ATP8A1: variants seen among roughly 807,000 people sequenced by gnomAD.
The protein encoded by ATP8A1 is ATPase phospholipid transporting 8A1.
ATP8A1 carries 90 observed loss-of-function variants against 177.7 expected under a neutral mutation model. That is an observed-to-expected ratio of 0.51 (90% CI 0.43 to 0.60). The LOEUF is 0.60. ATP8A1 is among the 20% of genes least tolerant of loss of function. The pLI is 0.00. For synonymous variants in ATP8A1, 493 were observed against 485.9 expected (o/e 1.01, Z -0.19); for missense variants, 1,072 against 1,392.8 (o/e 0.77, Z 3.67).
intron 20 of ATP8A1, among the ~76,000 whole-genome samples, chr4:42,527,606 C>T (rs1425312911): frequency 6.6e-6 from 1 of 152,086 alleles, no homozygotes; most frequent in African/African-American, 2.4e-5. Flanking sequence ...CCCAACACCC[C>T]TGTTTGCTTC....
chr4:42,605,092 T>C (rs957186847), intron 5 of ATP8A1, among the ~76,000 whole-genome samples: 1 of 152,218 alleles, frequency 6.6e-6, no homozygotes, highest in Non-Finnish European at 1.5e-5. Context: ...ATTAAGGTTG[T>C]GGTGATCGGT....
chr4:42,580,724 T>C (rs986835464), intron 10 of ATP8A1, among the ~76,000 whole-genome samples: 1 of 152,232 alleles, frequency 6.6e-6, no homozygotes, highest in Non-Finnish European at 1.5e-5. Context: ...GTATTAGCTC[T>C]GAGAGCAGAT....
intron 1 of ATP8A1, among the ~76,000 whole-genome samples, chr4:42,639,314 GTGT>G (rs1227515359): frequency 3.9e-5 from 6 of 152,162 alleles, no homozygotes; most frequent in Admixed American, 3.9e-4. Flanking sequence ...TGGAGGAAAG[GTGT>G]TGTAAAAAAC....
intron 1 of ATP8A1, among the ~76,000 whole-genome samples, chr4:42,656,309 T>C (rs145489082): frequency 9.3e-4 from 142 of 152,306 alleles, no homozygotes; most frequent in African/African-American, 3.3e-3. Context: ...GGAGGCAGAA[T>C]TGCAGAAGCT....
intron 25 of ATP8A1, among the ~76,000 whole-genome samples, chr4:42,467,986 T>A (rs1719974831): frequency 6.6e-6 from 1 of 152,192 alleles, no homozygotes; most frequent in South Asian, 2.1e-4. Flanking sequence ...CCTTTTGCTG[T>A]GCAGAAGCTC....
chr4:42,470,538 A>G (rs1194614197), intron 25 of ATP8A1, among the ~76,000 whole-genome samples: 1 of 152,200 alleles, frequency 6.6e-6, no homozygotes, highest in Admixed American at 6.5e-5. Flanking sequence ...AAGGAATACA[A>G]TAATTTATCC....
chr4:42,575,546 G>C (rs986001720), intron 13 of ATP8A1, 76 bp downstream of exon 13: 2 of 1,197,280 alleles, frequency 1.7e-6, no homozygotes, highest in East Asian at 2.4e-5. Flanking sequence ...TTCATCTGCA[G>C]TTATCATATA....
chr4:42,570,550 T>C (rs1411192312), intron 14 of ATP8A1, among the ~76,000 whole-genome samples: 1 of 152,126 alleles, frequency 6.6e-6, no homozygotes, highest in Non-Finnish European at 1.5e-5. Flanking sequence ...TCCCAAGTCA[T>C]GCAGCTTAAA....
At chr4:42,584,140 A>G (rs1215101064) in intron 9 of ATP8A1, among the ~76,000 whole-genome samples, 3 of 152,196 alleles carry the variant, frequency 2.0e-5, no homozygotes, top group Non-Finnish European at 4.4e-5. Flanking sequence ...AAAATAATGA[A>G]AACACCAAAA....
intron 1 of ATP8A1, among the ~76,000 whole-genome samples, chr4:42,644,701 G>A (rs1282731766): frequency 1.5e-5 from 2 of 131,054 alleles, no homozygotes. Context: ...AGAACCCAGC[G>A]CCCATCAGAG....
At chr4:42,445,562 A>T (rs1577946257) in intron 31 of ATP8A1, among the ~76,000 whole-genome samples, 1 of 152,212 alleles carries the variant, frequency 6.6e-6, no homozygotes, top group Non-Finnish European at 1.5e-5. Context: ...GATGTTTGCT[A>T]GCACTTGATC....
intron 22 of ATP8A1, among the ~76,000 whole-genome samples, chr4:42,518,170 G>A (rs574545786): frequency 2.0e-5 from 3 of 152,302 alleles, no homozygotes; most frequent in Admixed American, 6.5e-5. Context: ...GAGGCAGAGA[G>A]CAGCATTTAA....
At chr4:42,532,230 T>C (rs1439438181) in intron 20 of ATP8A1, among the ~76,000 whole-genome samples, 1 of 151,898 alleles carries the variant, frequency 6.6e-6, no homozygotes, top group Non-Finnish European at 1.5e-5. Context: ...TCCCAGCACA[T>C]TGGGAGCACA....
At position 42,448,396 on chromosome 4, in the gene ATP8A1, C is replaced by CTTTACTTTT. The variant is rs778022629; in HGVS notation, c.2897-1753_2897-1752insAAAAGTAAA. On this transcript the variant is annotated intron_variant, in intron 30 of 36. Coordinates refer to ENST00000381668, the MANE Select transcript of ATP8A1 (RefSeq NM_006095.2). ...GTAGCCTCCCTCCCTCCTTCTCTTT[C>CTTTACTTTT]TTTTCTTTTTTTTTTTTTTGAGATG... is the stretch of plus-strand genomic sequence containing the variant. 8.7e-4 allele frequency among the ~76,000 whole-genome samples: 73 copies of CTTTACTTTT among 84,150 alleles called. 9 individuals carry two copies. Among genetic ancestry groups the CTTTACTTTT allele is most frequent in the African/African-American group, 2.2e-3 (55 of 24,980 alleles). 55.2% of individuals were successfully genotyped at this position (84,150 alleles called of 152,430 possible).
At chr4:42,512,232 G>A (rs1038344615) in intron 22 of ATP8A1, among the ~76,000 whole-genome samples, 4 of 152,212 alleles carry the variant, frequency 2.6e-5, no homozygotes, top group Non-Finnish European at 4.4e-5. Context: ...CAAATGGGAT[G>A]TAAAACTGAG....
At chr4:42,531,993 T>C (rs1310275837) in intron 20 of ATP8A1, among the ~76,000 whole-genome samples, 3 of 151,798 alleles carry the variant, frequency 2.0e-5, no homozygotes, top group Admixed American at 6.6e-5. Context: ...TCCCAGTTAC[T>C]CGGGAGTATG....
In ATP8A1 at chr4:42,443,691, T is replaced by C. The variant is rs144348573; in HGVS notation, c.3016-19A>G. 2 of 1,179,990 alleles carry C rather than the reference T, an allele frequency of 1.7e-6. No individual in the cohort carries two copies. Among genetic ancestry groups the C allele is most frequent in the South Asian group, 2.5e-5 (2 of 80,702 alleles). The allele number at this position is 1,179,990 out of a possible 1,614,324, so 73.1% of individuals were successfully genotyped here. ...GGCTGAACTGTAGAGCAAGGAAATC[T>C]GAGTCAAAAAAGTTTTATGTAGACC... On this transcript the variant is annotated intron_variant, in intron 32 of 36. Transcript: ENST00000381668.
At chr4:42,512,542 A>G (rs1251550585) in intron 22 of ATP8A1, among the ~76,000 whole-genome samples, 1 of 152,164 alleles carries the variant, frequency 6.6e-6, no homozygotes, top group Non-Finnish European at 1.5e-5. Flanking sequence ...CATGAAATTT[A>G]TATTTCAGAA....
chr4:42,434,060 T>C (rs1715625707), intron 33 of ATP8A1, among the ~76,000 whole-genome samples: 2 of 152,222 alleles, frequency 1.3e-5, no homozygotes, highest in African/African-American at 4.8e-5. Context: ...AACTATTCTC[T>C]AGGAATATAG....
Sources: allele counts gnomAD v4.1 joint callset (sites outside exome capture counted in the v4.1 genomes callset), GRCh38; gene constraint gnomAD v4.1.1; transcripts MANE v1.5; gene names NCBI Gene and HGNC (gene_info 2026-07-23, HGNC 2026-07-21).